The following RIC1 variants were observed in gnomAD, a reference collection of about 807,000 sequenced individuals.
RIC1 encodes RIC1 partner of RAB6A GEF complex, also known as guanine nucleotide exchange factor subunit RIC1.
Under a neutral mutation model 169.0 loss-of-function variants are expected in RIC1, and 88 were observed. That is an observed-to-expected ratio of 0.52 (90% confidence interval 0.44 to 0.62). RIC1 has a LOEUF of 0.62. Among genes scored for constraint, RIC1 ranks in the 20% least tolerant of loss-of-function variants. The probability of loss-of-function intolerance (pLI) is 0.00; values close to 1 mark genes in which losing one functional copy is unlikely to be tolerated. For missense variants in RIC1, 1,877 were observed against 1,725.5 expected (o/e 1.09, Z -1.56); for synonymous variants, 790 against 601.5 (o/e 1.31, Z -4.59).
rs763230742 is a variant in RIC1, at chr9:5,732,499, T to C, written c.812+20T>C. On this transcript the variant is annotated intron_variant, in intron 7 of 25. Coordinates refer to ENST00000414202, the MANE Select transcript of RIC1 (RefSeq NM_020829.4). ...TGTGAGGTATAATTGATGTAGGCTTTTGCATTTTTAAGAGTTGTTGCAAAA... is the reference window on the plus strand; with the variant it reads ...TGTGAGGTATAATTGATGTAGGCTTCTGCATTTTTAAGAGTTGTTGCAAAA... 3.9e-6 allele frequency: 6 copies of C among 1,537,964 alleles called. No homozygotes were observed. The Admixed American group carries it at 8.1e-5, about 21-fold the overall frequency.
rs371242949 is a variant in RIC1 at position 5,772,976 on chromosome 9, C to G, written c.3879C>G (p.Ile1293Met). The change falls in exon 25 of 26, where the codon ATC (isoleucine) becomes ATG (methionine). Residue 1293 changes from isoleucine to methionine, a missense_variant. Transcript: ENST00000414202. ...IGLILRESSI[I>M]NQILVITQSS... ...TGATTCTTAGAGAATCCTCAATAAT[C>G]AATCAGATTTTGGTTATTACACAGT... 2.5e-6 allele frequency: 4 copies of G among 1,613,414 alleles called. No homozygotes were observed. The highest frequency in any genetic ancestry group is 3.4e-6 in the Non-Finnish European group (4 of 1,179,628).
intron 2 of RIC1, among the ~76,000 whole-genome samples, chr9:5,680,286 A>G (rs1056938769): frequency 2.6e-5 from 4 of 152,158 alleles, no homozygotes; most frequent in Admixed American, 2.0e-4. Flanking sequence ...CATCAAGGAT[A>G]TTGGTCTAAA....
rs574292832 is a variant in RIC1 at position 5,748,183 on chromosome 9, G to T, written c.1452+678G>T. 5.3e-5 allele frequency among the ~76,000 whole-genome samples: 8 copies of T among 152,208 alleles called. No individual in the cohort carries two copies. The East Asian group carries it at 1.5e-3, about 29-fold the overall frequency. Reference sequence around the variant, plus strand: ...AAAGAAACTTGCATACATAATTTCAGTCTTCCGACTGTTTTCTTTCCCTTT... The same window carrying T: ...AAAGAAACTTGCATACATAATTTCATTCTTCCGACTGTTTTCTTTCCCTTT... On this transcript the variant is annotated intron_variant, in intron 12 of 25. Transcript: ENST00000414202.
intron 22 of RIC1, 44 bp downstream of exon 22, chr9:5,769,300 T>A (rs747789177): frequency 8.7e-6 from 14 of 1,613,854 alleles, no homozygotes; most frequent in African/African-American, 5.3e-5. Context: ...AATTGTATTT[T>A]ACTCCGTGTA....
At chr9:5,709,377 C>T (rs1450011212) in intron 3 of RIC1, among the ~76,000 whole-genome samples, 1 of 152,156 alleles carries the variant, frequency 6.6e-6, no homozygotes. Context: ...CTCTAATTTT[C>T]AGTTGCTTAG....
intron 2 of RIC1, among the ~76,000 whole-genome samples, chr9:5,673,717 A>C (rs1275582464): frequency 4.0e-5 from 6 of 151,756 alleles, no homozygotes; most frequent in Admixed American, 3.9e-4. Context: ...AGAAAACACT[A>C]AGTGAAAAAA....
At chr9:5,762,345 T>C (rs113395502) in intron 17 of RIC1, among the ~76,000 whole-genome samples, 196 bp from the exon 18 acceptor site, 3 of 152,340 alleles carry the variant, frequency 2.0e-5, no homozygotes, top group African/African-American at 7.2e-5. Flanking sequence ...ATTAATTGCA[T>C]TATGTGTTAG....
intron 2 of RIC1, among the ~76,000 whole-genome samples, chr9:5,677,279 ATGT>A (rs1820507938): frequency 6.6e-6 from 1 of 152,228 alleles, no homozygotes; most frequent in East Asian, 1.9e-4. Flanking sequence ...ATAACTAATG[ATGT>A]TGAACATTTT....
At chr9:5,645,662 T>C (rs979666315) in intron 1 of RIC1, among the ~76,000 whole-genome samples, 2 of 152,226 alleles carry the variant, frequency 1.3e-5, no homozygotes, top group Middle Eastern at 3.2e-3. Flanking sequence ...ATTTGTCTTT[T>C]TGTGATTGAC....
intron 1 of RIC1, among the ~76,000 whole-genome samples, chr9:5,654,794 C>G (rs1212181939): frequency 6.6e-6 from 1 of 152,178 alleles, no homozygotes; most frequent in Non-Finnish European, 1.5e-5. Flanking sequence ...CTTAAGTGAT[C>G]TGCCTGCCTT....
chr9:5,643,301 TC>T (rs1209258734), intron 1 of RIC1, among the ~76,000 whole-genome samples: 1 of 152,224 alleles, frequency 6.6e-6, no homozygotes, highest in African/African-American at 2.4e-5. Context: ...TACTGCTTTT[TC>T]TTCTATGGCT....
intron 4 of RIC1, among the ~76,000 whole-genome samples, chr9:5,718,656 A>C (rs921607828): frequency 6.6e-6 from 1 of 152,204 alleles, no homozygotes; most frequent in Non-Finnish European, 1.5e-5. Context: ...AGTGCATCTA[A>C]AACATAAACT....
intron 6 of RIC1, among the ~76,000 whole-genome samples, chr9:5,729,102 A>T (rs1454535485): frequency 2.0e-5 from 3 of 152,070 alleles, no homozygotes; most frequent in Non-Finnish European, 4.4e-5. Context: ...ATACTTGGCT[A>T]CCCCAGTATT....
intron 7 of RIC1, among the ~76,000 whole-genome samples, chr9:5,737,004 G>A (rs957903311): frequency 2.0e-5 from 3 of 151,442 alleles, no homozygotes; most frequent in African/African-American, 7.3e-5. Flanking sequence ...AAAACAATCT[G>A]GTAGTCATAA....
Position 5,689,980 on chromosome 9 carries a change from T to C in RIC1, c.274T>C (p.Phe92Leu), listed in dbSNP as rs750877398. 45 of 1,603,236 alleles carry C rather than the reference T, an allele frequency of 2.8e-5. No individual in the cohort carries two copies. In the East Asian group the frequency reaches 9.7e-4, roughly 34 times the overall value. The change falls in exon 3 of 26, where the codon TTT becomes CTT. Residue 92 changes from phenylalanine to leucine, a missense_variant. By Grantham distance (22) the Phe-to-Leu change is conservative (BLOSUM62 0). This residue lies in a region of RIC1 where 1,104 missense variants were observed against 992.0 expected (regional missense o/e 1.11). Transcript: ENST00000414202. ...TCAGACGGCAAATGGATACATCTTG[T>C]TTTTTCATATTACATCTACAAGAGG... ...AVSTANGYIL[F>L]FHITSTRGDK...
intron 4 of RIC1, among the ~76,000 whole-genome samples, 175 bp downstream of exon 4, chr9:5,714,178 A>T (rs1823100419): frequency 6.6e-6 from 1 of 152,216 alleles, no homozygotes; most frequent in Non-Finnish European, 1.5e-5. Flanking sequence ...GATGGCACTT[A>T]ATACTTAAAT....
At chr9:5,724,052 G>T (rs1823790800) in intron 6 of RIC1, among the ~76,000 whole-genome samples, 1 of 151,926 alleles carries the variant, frequency 6.6e-6, no homozygotes, top group South Asian at 2.1e-4. Context: ...GCTGTTTTTT[G>T]GTTCCATATG....
At chr9:5,739,704 A>T (rs1824948378) in intron 8 of RIC1, among the ~76,000 whole-genome samples, 1 of 152,134 alleles carries the variant, frequency 6.6e-6, no homozygotes, top group Non-Finnish European at 1.5e-5. Context: ...GGAAGGGCTA[A>T]TGGCAGCATG....
intron 1 of RIC1, among the ~76,000 whole-genome samples, chr9:5,632,819 A>G (rs371106741): frequency 6.6e-6 from 1 of 152,204 alleles, no homozygotes; most frequent in Non-Finnish European, 1.5e-5. Flanking sequence ...TTAATATACT[A>G]ACTGTGACTA....
Sources: gnomAD v4.1 joint callset for allele counts (sites outside exome capture counted in the v4.1 genomes callset) on GRCh38, gnomAD v4.1.1 for gene constraint, gnomAD v4.1.1 regional missense constraint, MANE v1.5 for transcripts, NCBI Gene and HGNC (gene_info 2026-07-23, HGNC 2026-07-21) for gene names.